Variants in ITGA8 observed in about 807,000 individuals in gnomAD.
ITGA8 encodes integrin subunit alpha 8.
Under a neutral mutation model 142.3 loss-of-function variants are expected in ITGA8, and 91 were observed. That is an observed-to-expected ratio of 0.64 (90% CI 0.54 to 0.76). ITGA8 has a LOEUF of 0.76. Among genes scored for constraint, ITGA8 ranks in the 30% least tolerant of loss-of-function variants. The pLI, the probability that ITGA8 is intolerant of heterozygous loss-of-function variation, is 0.00. For missense variants in ITGA8, 1,406 were observed against 1,327.7 expected (o/e 1.06, Z -0.92); for synonymous variants, 505 against 485.2 (o/e 1.04, Z -0.54).
rs761836857 is a variant in ITGA8 at position 15,575,479 on chromosome 10, C to T, written c.2478+10G>A. ...ACCCCTAACACAACTTTAACACAGA[C>T]AATGGCTACCTCATAAATATGTTCC... On this transcript the variant is annotated intron_variant, in intron 24 of 29. Coordinates refer to ENST00000378076, the MANE Select transcript of ITGA8 (RefSeq NM_003638.3). 1 of 1,589,944 alleles carries T rather than the reference C, an allele frequency of 6.3e-7. No individual in the cohort carries two copies. Among genetic ancestry groups the T allele is most frequent in the Non-Finnish European group, 8.6e-7 (1 of 1,158,050 alleles).
intron 10 of ITGA8, among the ~76,000 whole-genome samples, chr10:15,657,810 C>T (rs1008145835): frequency 2.0e-5 from 3 of 151,990 alleles, no homozygotes; most frequent in African/African-American, 7.3e-5. Flanking sequence ...AAATTAAGTG[C>T]GTAGTTCTGT....
chr10:15,676,272 C>G (rs182894132), intron 6 of ITGA8, among the ~76,000 whole-genome samples: 7 of 152,280 alleles, frequency 4.6e-5, no homozygotes, highest in Admixed American at 2.6e-4. Flanking sequence ...GTTAACTTTG[C>G]GTTGCTGCTG....
intron 11 of ITGA8, among the ~76,000 whole-genome samples, chr10:15,653,889 C>T (rs1329059083): frequency 6.7e-6 from 1 of 149,328 alleles, no homozygotes; most frequent in Non-Finnish European, 1.5e-5. Flanking sequence ...GGCTGGAGTG[C>T]AGTGGTGCAA....
intron 11 of ITGA8, among the ~76,000 whole-genome samples, chr10:15,650,495 C>T (rs1428893822): frequency 6.6e-6 from 1 of 152,006 alleles, no homozygotes; most frequent in East Asian, 1.9e-4. Flanking sequence ...ATGTTCTTGC[C>T]CCCCTCAACA....
intron 11 of ITGA8, among the ~76,000 whole-genome samples, chr10:15,654,630 T>C (rs916512977): frequency 1.3e-5 from 2 of 152,230 alleles, no homozygotes; most frequent in African/African-American, 2.4e-5. Context: ...ATTTGCTTTC[T>C]GTGAAAATGT....
rs1234780517 is a variant in ITGA8, at chr10:15,655,495, T to C, written c.949-89A>G. The stretch of plus-strand genomic sequence containing the variant: ...TATTATTCCTGAAAGATTCATCTCA[T>C]TGTGGTACATTTTTGCATTGAAATT... On this transcript the variant is annotated intron_variant, in intron 10 of 29. Coordinates refer to ENST00000378076, the MANE Select transcript of ITGA8 (RefSeq NM_003638.3). The C allele has an allele frequency of 1.2e-5, 11 of 904,606 alleles. 1 individual carries two copies. The South Asian group carries it at 1.5e-4, about 12-fold the overall frequency. 56.0% of individuals were successfully genotyped at this position (904,606 alleles called of 1,614,324 possible). A position where few individuals can be genotyped will look rare whatever the true frequency, so the allele number is the denominator to read the frequency against.
At chr10:15,655,051 T>G (rs1244875282) in intron 11 of ITGA8, among the ~76,000 whole-genome samples, 1 of 152,194 alleles carries the variant, frequency 6.6e-6, no homozygotes, top group Non-Finnish European at 1.5e-5. Context: ...TGAAGAGAGA[T>G]AGATGAATGT....
chr10:15,615,933 T>C (rs192001425), intron 14 of ITGA8, among the ~76,000 whole-genome samples: 1 of 152,354 alleles, frequency 6.6e-6, no homozygotes, highest in East Asian at 1.9e-4. Context: ...ACGTTATAAA[T>C]GTTGTTTTTA....
At chr10:15,694,503 G>A (rs1172474057) in intron 2 of ITGA8, among the ~76,000 whole-genome samples, 32 of 132,452 alleles carry the variant, frequency 2.4e-4, no homozygotes, top group Admixed American at 2.3e-3. Context: ...ATATAAAAAT[G>A]TATCTAATAT....
intron 10 of ITGA8, among the ~76,000 whole-genome samples, chr10:15,656,252 G>T (rs552529242): frequency 6.6e-6 from 1 of 152,120 alleles, no homozygotes; most frequent in Non-Finnish European, 1.5e-5. Flanking sequence ...TTTCATGTCG[G>T]GGGAACCCAC....
chr10:15,593,269 C>T (rs1010536791), intron 21 of ITGA8, among the ~76,000 whole-genome samples: 7 of 152,030 alleles, frequency 4.6e-5, no homozygotes, highest in East Asian at 3.9e-4. Flanking sequence ...AAAATAAATT[C>T]AATGATGATA....
intron 28 of ITGA8, among the ~76,000 whole-genome samples, chr10:15,525,711 TTATC>T (rs1303045511): frequency 6.6e-6 from 1 of 151,136 alleles, no homozygotes. Flanking sequence ...ATAACATAGT[TTATC>T]TAACCCTAAA....
intron 10 of ITGA8, among the ~76,000 whole-genome samples, chr10:15,656,251 G>A (rs892232210): frequency 6.6e-6 from 1 of 152,100 alleles, no homozygotes; most frequent in African/African-American, 2.4e-5. Flanking sequence ...TTTTCATGTC[G>A]GGGGAACCCA....
intron 21 of ITGA8, among the ~76,000 whole-genome samples, chr10:15,595,735 T>C (rs917511034): frequency 3.3e-4 from 50 of 152,274 alleles, no homozygotes; most frequent in African/African-American, 1.1e-3. Flanking sequence ...CCTCAATTCA[T>C]TTCTCTTTTG....
At chr10:15,671,227 C>G (rs1954183) in intron 8 of ITGA8, among the ~76,000 whole-genome samples, 104,266 of 151,798 alleles carry the variant, frequency 0.69, 37,132 homozygotes, top group South Asian at 0.85. Flanking sequence ...GATTGGAGTT[C>G]GTTGGGGAGA....
intron 13 of ITGA8, among the ~76,000 whole-genome samples, chr10:15,643,226 T>G (rs986364804): frequency 1.3e-5 from 2 of 152,230 alleles, no homozygotes; most frequent in African/African-American, 4.8e-5. Context: ...AGTTCTTTTT[T>G]TCTCCACTTT....
chr10:15,559,558 A>T (rs1212910736), intron 25 of ITGA8, among the ~76,000 whole-genome samples: 1 of 152,118 alleles, frequency 6.6e-6, no homozygotes, highest in Non-Finnish European at 1.5e-5. Flanking sequence ...AAGCCCAAGG[A>T]AAAGAAAGCT....
chr10:15,607,977 T>C, intron 16 of ITGA8, 146 bp from the exon 17 acceptor site: 2 of 703,090 alleles, frequency 2.8e-6, no homozygotes, highest in Non-Finnish European at 4.7e-6. Flanking sequence ...CTGGAAAAAT[T>C]GTATAACATA....
intron 24 of ITGA8, among the ~76,000 whole-genome samples, 191 bp from the exon 25 acceptor site, chr10:15,572,560 G>A (rs1025567918): frequency 6.6e-6 from 1 of 152,324 alleles, no homozygotes; most frequent in South Asian, 2.1e-4. Flanking sequence ...ATGGGCTGGT[G>A]TTTAGAGAAA....
Sources: allele counts gnomAD v4.1 joint callset (sites outside exome capture counted in the v4.1 genomes callset), GRCh38; gene constraint gnomAD v4.1.1; transcripts MANE v1.5; gene names NCBI Gene and HGNC (gene_info 2026-07-23, HGNC 2026-07-21).